Variants in STOX2 observed in about 807,000 individuals in gnomAD.
STOX2 encodes the protein storkhead-box protein 2.
STOX2 carries 28 observed loss-of-function variants against 60.9 expected under a neutral mutation model. The observed-to-expected ratio is 0.46, with a 90% CI of 0.34 to 0.63. The LOEUF is 0.63. Ranked by LOEUF, STOX2 falls within the 30% of genes least tolerant of loss-of-function variation. STOX2 has a pLI of 0.01. For missense variants in STOX2, 1,024 were observed against 1,187.7 expected (o/e 0.86, Z 2.03); for synonymous variants, 472 against 463.9 (o/e 1.02, Z -0.22).
At chr4:183,838,516 GA>G (rs1739769539) in intron 1 of STOX2, among the ~76,000 whole-genome samples, 1 of 152,052 alleles carries the variant, frequency 6.6e-6, no homozygotes, top group Admixed American at 6.5e-5. Context: ...AATCTTTGTT[GA>G]TAAATCTGTT....
At chr4:183,972,923 T>G (rs533128463) in intron 1 of STOX2, among the ~76,000 whole-genome samples, 1 of 152,218 alleles carries the variant, frequency 6.6e-6, no homozygotes, top group African/African-American at 2.4e-5. Flanking sequence ...AGTGGTAATT[T>G]TAGAACTGAA....
At chr4:183,947,813 A>T (rs1033958061) in intron 1 of STOX2, among the ~76,000 whole-genome samples, 6 of 152,256 alleles carry the variant, frequency 3.9e-5, no homozygotes, top group African/African-American at 1.4e-4. Flanking sequence ...AATTTTGTAC[A>T]TACTAATATT....
chr4:183,856,039 C>T lies in STOX2; in HGVS notation c.364+57984C>T, dbSNP rs1020995754. 1.3e-5 allele frequency among the ~76,000 whole-genome samples: 2 copies of T among 152,164 alleles called. No individual in the cohort carries two copies. The highest frequency in any genetic ancestry group is 6.5e-5 in the Admixed American group (1 of 15,284). Reference sequence around the variant, plus strand: ...TGCCCTGGCCTGTCTCCTCTGAGTTCGCTTCCAGCCTAGGTCTCATTCCTG... The same window carrying T: ...TGCCCTGGCCTGTCTCCTCTGAGTTTGCTTCCAGCCTAGGTCTCATTCCTG... On this transcript the variant is annotated intron_variant, in intron 1 of 2. Coordinates refer to the STOX2 transcript ENST00000513034. This position sits in a 1 kb window ranked among gnomAD's most constrained non-coding sequence, Gnocchi z 4.0.
intron 1 of STOX2, among the ~76,000 whole-genome samples, chr4:183,844,458 T>A (rs1739940766): frequency 6.6e-6 from 1 of 152,214 alleles, no homozygotes; most frequent in South Asian, 2.1e-4. Context: ...AGCAGGGTAT[T>A]GTTTTGCTTT....
At chr4:183,986,791 A>G (rs1230007617) in intron 1 of STOX2, among the ~76,000 whole-genome samples, 1 of 152,194 alleles carries the variant, frequency 6.6e-6, no homozygotes, top group South Asian at 2.1e-4. Context: ...CCAGAGCCTG[A>G]GCTCTGTTGG....
At chr4:183,914,784 T>C (rs1741882799) in intron 1 of STOX2, among the ~76,000 whole-genome samples, 1 of 152,202 alleles carries the variant, frequency 6.6e-6, no homozygotes, top group South Asian at 2.1e-4. Flanking sequence ...TTCTGAAACC[T>C]GGAAACTCGA....
intron 1 of STOX2, among the ~76,000 whole-genome samples, chr4:183,993,128 C>T (rs1434267252): frequency 1.3e-5 from 2 of 152,234 alleles, no homozygotes; most frequent in Non-Finnish European, 1.5e-5. Flanking sequence ...CCCCTGCCCA[C>T]GAGGATGGCC....
intron 1 of STOX2, among the ~76,000 whole-genome samples, chr4:183,838,199 T>G (rs988361231): frequency 2.0e-5 from 3 of 150,550 alleles, no homozygotes; most frequent in Admixed American, 6.6e-5. Context: ...ATTTAAATAA[T>G]TCAATACATA....
intron 1 of STOX2, among the ~76,000 whole-genome samples, chr4:183,978,517 A>G (rs187701495): frequency 1.3e-3 from 196 of 152,306 alleles, no homozygotes; most frequent in Non-Finnish European, 1.8e-3. Flanking sequence ...TTGTAGTATC[A>G]TTTGAAGTCA....
At chr4:183,934,568 G>A (rs1292350027) in intron 1 of STOX2, among the ~76,000 whole-genome samples, 1 of 152,018 alleles carries the variant, frequency 6.6e-6, no homozygotes, top group Admixed American at 6.6e-5. Context: ...AGCAATTAAT[G>A]ACAGAATTAA....
At chr4:183,970,484 G>A (rs957465926) in intron 1 of STOX2, among the ~76,000 whole-genome samples, 1 of 152,096 alleles carries the variant, frequency 6.6e-6, no homozygotes, top group Non-Finnish European at 1.5e-5. Flanking sequence ...GGAGCCCCTG[G>A]GACCCCATTC....
In STOX2 at chr4:184,001,508, G is replaced by T; in HGVS notation, c.319+31G>T. On this transcript the variant is annotated intron_variant, in intron 2 of 3. Coordinates refer to ENST00000308497, the MANE Select transcript of STOX2 (RefSeq NM_020225.3). This position sits in a 1 kb window ranked among gnomAD's most constrained non-coding sequence, Gnocchi z 4.2. ...GAGGCGGGAACGTAGCACTTTCCAG[G>T]TGGCGGTGTGCTGTGGTCGCTCTAG... 1 of 1,610,718 alleles carries T rather than the reference G, an allele frequency of 6.2e-7. No individual in the cohort carries two copies.
At chr4:183,961,247 C>A (rs1298883401) in intron 1 of STOX2, among the ~76,000 whole-genome samples, 1 of 152,188 alleles carries the variant, frequency 6.6e-6, no homozygotes, top group Non-Finnish European at 1.5e-5. Context: ...GCTCACCGAG[C>A]TGTCATATTG....
chr4:184,003,880 T>C (rs938363002), intron 2 of STOX2, among the ~76,000 whole-genome samples: 1 of 152,292 alleles, frequency 6.6e-6, no homozygotes, highest in African/African-American at 2.4e-5. Context: ...AAAGTTTGTT[T>C]CCTGCCTGCC....
rs1293165322 is a variant in STOX2 at position 183,836,106 on chromosome 4, C to T, written c.364+38051C>T. 2.0e-5 allele frequency among the ~76,000 whole-genome samples: 3 copies of T among 152,132 alleles called. No individual in the cohort carries two copies. The highest frequency in any genetic ancestry group is 7.2e-5 in the African/African-American group (3 of 41,406). ...CACTGCAGTTTTGATTTGCGATCTCCTGGTGACTAATGATGTTGAACGTCT... is the reference window on the plus strand; with the variant it reads ...CACTGCAGTTTTGATTTGCGATCTCTTGGTGACTAATGATGTTGAACGTCT... On this transcript the variant is annotated intron_variant, in intron 1 of 2. Coordinates refer to the STOX2 transcript ENST00000513034. The surrounding 1 kb of genome is among the most constrained non-coding windows in gnomAD (Gnocchi z 4.1).
At chr4:184,003,923 T>A (rs1161272248) in intron 2 of STOX2, among the ~76,000 whole-genome samples, 2 of 147,000 alleles carry the variant, frequency 1.4e-5, no homozygotes, top group African/African-American at 5.1e-5. Context: ...GCTACCTTTC[T>A]CCTTTCCTTC....
chr4:183,981,086 G>A (rs1732644630), intron 1 of STOX2, among the ~76,000 whole-genome samples: 1 of 152,218 alleles, frequency 6.6e-6, no homozygotes. Flanking sequence ...ATTTTTAGAT[G>A]TAGTTGTTGT....
At chr4:183,930,960 G>A (rs1449358866) in intron 1 of STOX2, among the ~76,000 whole-genome samples, 1 of 152,138 alleles carries the variant, frequency 6.6e-6, no homozygotes, top group Non-Finnish European at 1.5e-5. Context: ...GGGGGACAAT[G>A]AAAGTGTCTT....
chr4:183,822,500 C>T (rs1232131878), intron 1 of STOX2, among the ~76,000 whole-genome samples: 1 of 152,196 alleles, frequency 6.6e-6, no homozygotes, highest in East Asian at 1.9e-4. Context: ...ACTAGACGGT[C>T]CCATCTGGGA....
Sources: gnomAD v4.1 joint callset for allele counts (sites outside exome capture counted in the v4.1 genomes callset) on GRCh38, gnomAD v4.1.1 for gene constraint, Gnocchi (gnomAD v3.1) non-coding constraint, MANE v1.5 for transcripts, NCBI Gene and HGNC (gene_info 2026-07-23, HGNC 2026-07-21) for gene names.